Variants in MED27 observed in about 807,000 individuals in gnomAD.
The protein encoded by MED27 is mediator of RNA polymerase II transcription subunit 27.
Under a neutral mutation model 38.2 loss-of-function variants are expected in MED27, and 30 were observed. That is an observed-to-expected ratio of 0.79 (90% CI 0.59 to 1.07). The LOEUF is 1.07. MED27 is among the 50% of genes least tolerant of loss of function. The probability of loss-of-function intolerance (pLI) is 0.00; values close to 1 mark genes in which losing one functional copy is unlikely to be tolerated. For synonymous variants in MED27, 122 were observed against 153.5 expected, an observed-to-expected ratio of 0.79 and a Z score of 1.52; for missense variants, 289 against 397.5, an observed-to-expected ratio of 0.73 and a Z score of 2.32.
At chr9:131,964,391 GGTGATGCTGGAGGTGATA>G (rs386739028) in intron 3 of MED27, among the ~76,000 whole-genome samples, 2 of 128,254 alleles carry the variant, frequency 1.6e-5, no homozygotes, top group African/African-American at 2.9e-5. Context: ...TGATGGTGGT[GGTGATGCTGGAGGTGATA>G]GTGATGGTGG....
At chr9:132,066,347 G>T (rs1053743777) in intron 2 of MED27, among the ~76,000 whole-genome samples, 2 of 152,258 alleles carry the variant, frequency 1.3e-5, no homozygotes, top group African/African-American at 4.8e-5. Flanking sequence ...CAGGCTCCTT[G>T]CAGCTGACCC....
intron 3 of MED27, among the ~76,000 whole-genome samples, chr9:131,956,222 T>C (rs982871635): frequency 1.3e-5 from 2 of 152,144 alleles, no homozygotes; most frequent in Admixed American, 6.5e-5. Context: ...AGAGGTCAAA[T>C]CCATAGAGAC....
chr9:131,970,542 C>T (rs1167079996), intron 3 of MED27, among the ~76,000 whole-genome samples: 1 of 152,206 alleles, frequency 6.6e-6, no homozygotes, highest in East Asian at 1.9e-4. Context: ...GGACCACAAG[C>T]CGGTGAAAAC....
At chr9:131,902,706 C>G (rs893441488) in intron 4 of MED27, among the ~76,000 whole-genome samples, 7 of 152,104 alleles carry the variant, frequency 4.6e-5, no homozygotes, top group Admixed American at 4.6e-4. Flanking sequence ...AGAAATGGCC[C>G]TGGGGGTGGC....
intron 4 of MED27, among the ~76,000 whole-genome samples, chr9:131,916,468 T>C (rs1034699205): frequency 1.3e-5 from 2 of 152,350 alleles, no homozygotes; most frequent in South Asian, 2.1e-4. Flanking sequence ...CATTATTGAC[T>C]GCAGTGGGTT....
At chr9:132,053,050 G>A (rs1228328162) in intron 2 of MED27, among the ~76,000 whole-genome samples, 3 of 151,902 alleles carry the variant, frequency 2.0e-5, no homozygotes, top group Non-Finnish European at 2.9e-5. Flanking sequence ...TCAGGAGATC[G>A]AGACCATCCT....
At chr9:132,009,748 C>A (rs922468262) in intron 3 of MED27, among the ~76,000 whole-genome samples, 2 of 152,194 alleles carry the variant, frequency 1.3e-5, no homozygotes, top group African/African-American at 4.8e-5. Context: ...ATGTTCATGG[C>A]TGTTAAAGCA....
At chr9:132,064,995 C>T (rs1033514532) in intron 2 of MED27, among the ~76,000 whole-genome samples, 2 of 152,132 alleles carry the variant, frequency 1.3e-5, no homozygotes, top group Non-Finnish European at 2.9e-5. Flanking sequence ...TTACTGGCTT[C>T]GTTCACTGTG....
At chr9:131,935,716 G>T (rs1430591762) in intron 4 of MED27, among the ~76,000 whole-genome samples, 1 of 152,198 alleles carries the variant, frequency 6.6e-6, no homozygotes, top group Non-Finnish European at 1.5e-5. Context: ...TCGGGAGGCA[G>T]GGACTGGGGA....
intron 4 of MED27, among the ~76,000 whole-genome samples, chr9:131,933,234 C>A (rs1204201182): frequency 1.3e-5 from 2 of 151,596 alleles, no homozygotes; most frequent in Non-Finnish European, 3.0e-5. Flanking sequence ...TTTCATCCTT[C>A]CATAATACTG....
chr9:131,887,572 A>C (rs1388547495), intron 5 of MED27, among the ~76,000 whole-genome samples: 2 of 152,220 alleles, frequency 1.3e-5, no homozygotes, highest in Non-Finnish European at 2.9e-5. Flanking sequence ...GGAAGATTTC[A>C]GAAATTCATT....
At chr9:131,891,223 AC>A (rs1239171163) in intron 5 of MED27, among the ~76,000 whole-genome samples, 2 of 151,988 alleles carry the variant, frequency 1.3e-5, no homozygotes, top group Non-Finnish European at 2.9e-5. Context: ...ACGTGCAAAT[AC>A]GTGAAAGAGT....
In MED27 at chr9:132,052,139, C is replaced by T. The variant is rs139273698; in HGVS notation, c.348+25303G>A. 4.7e-3 allele frequency among the ~76,000 whole-genome samples: 709 copies of T among 152,250 alleles called. 3 individuals carry two copies. Among genetic ancestry groups the T allele is most frequent in the Admixed American group, 8.3e-3 (127 of 15,300 alleles). ...AGAGAGGGAACACCAAGGGGGAAAA[C>T]GGCACCAGCAGGCCCTGGGTCTCCT... is the stretch of plus-strand genomic sequence containing the variant. On this transcript the variant is annotated intron_variant, in intron 2 of 7. Coordinates refer to ENST00000292035, the MANE Select transcript of MED27 (RefSeq NM_004269.4).
intron 6 of MED27, among the ~76,000 whole-genome samples, chr9:131,873,086 C>T (rs973076275): frequency 2.0e-5 from 3 of 152,178 alleles, no homozygotes; most frequent in Non-Finnish European, 4.4e-5. Flanking sequence ...GGAGATCAGC[C>T]CAAGAGTTTG....
At chr9:131,951,027 G>C (rs1302035148) in intron 3 of MED27, among the ~76,000 whole-genome samples, 2 of 152,160 alleles carry the variant, frequency 1.3e-5, no homozygotes, top group African/African-American at 2.4e-5. Context: ...ATTACTGTAG[G>C]GCAGCTGGGT....
At chr9:132,067,798 G>A (rs1419101942) in intron 2 of MED27, among the ~76,000 whole-genome samples, 2 of 150,148 alleles carry the variant, frequency 1.3e-5, no homozygotes, top group East Asian at 2.0e-4. Context: ...TGCAAGCCCC[G>A]CCTCCCGGGT....
chr9:131,908,466 C>G (rs1174679942), intron 4 of MED27, among the ~76,000 whole-genome samples: 1 of 152,172 alleles, frequency 6.6e-6, no homozygotes, highest in African/African-American at 2.4e-5. Flanking sequence ...ATTGAGAAAT[C>G]GGATGGGTGC....
rs2131174681 is a variant in MED27 at position 132,076,925 on chromosome 9, T to C, written c.348+517A>G. Among the ~76,000 whole-genome samples the C allele has an allele frequency of 2.0e-5, 3 of 152,338 alleles. No homozygotes were observed. The East Asian group carries it at 5.8e-4, about 29-fold the overall frequency. ...CATGAATATCAAACTCTACAGAGCA[T>C]GTTAAGAACAATCTCCCTTAGGTGG... On this transcript the variant is annotated intron_variant, in intron 2 of 7. Transcript: ENST00000292035.
intron 5 of MED27, among the ~76,000 whole-genome samples, chr9:131,891,805 G>A (rs1404773557): frequency 1.3e-5 from 2 of 152,152 alleles, no homozygotes; most frequent in Non-Finnish European, 2.9e-5. Context: ...GAGGCGGTGC[G>A]TGCATTCTTC....
Sources: gnomAD v4.1 joint callset for allele counts (sites outside exome capture counted in the v4.1 genomes callset) on GRCh38, gnomAD v4.1.1 for gene constraint, MANE v1.5 for transcripts, NCBI Gene and HGNC (gene_info 2026-07-23, HGNC 2026-07-21) for gene names.